FRAS1: variants seen among roughly 807,000 people sequenced by gnomAD.
FRAS1 encodes extracellular matrix organizing protein FRAS1.
FRAS1 carries 290 observed loss-of-function variants against 435.2 expected under a neutral mutation model. The ratio of observed to expected loss-of-function variants is 0.67; its 90% CI spans 0.61 to 0.73. The LOEUF is 0.73. FRAS1 is among the 30% of genes least tolerant of loss of function. The pLI is 0.00. For missense variants in FRAS1, 4,860 were observed against 5,001.5 expected (o/e 0.97, Z 0.85); for synonymous variants, 1,800 against 1,851.0 (o/e 0.97, Z 0.71).
intron 14 of FRAS1, among the ~76,000 whole-genome samples, chr4:78,302,175 G>A (rs1283403211): frequency 7.0e-6 from 1 of 143,516 alleles, no homozygotes; most frequent in African/African-American, 3.0e-5. Flanking sequence ...CCCTACAAAG[G>A]ACATGAACTC....
chr4:78,541,640 T>TC lies in FRAS1; in HGVS notation c.*516_*517insC, dbSNP rs1282993008. 2 of 114,126 alleles carry TC rather than the reference T, an allele frequency of 1.8e-5. No individual in the cohort carries two copies. The highest frequency in any genetic ancestry group is 9.8e-5 in the African/African-American group (2 of 20,464). 7.1% of individuals were successfully genotyped at this position (114,126 alleles called of 1,614,324 possible). The stretch of plus-strand genomic sequence containing the variant: ...ACACAACACATATATTTGCTCATGA[T>TC]TTCACTTGACAGCGTATGCTCCTTG... On this transcript the variant is annotated 3_prime_UTR_variant, in exon 74 of 74. Transcript: ENST00000512123.
intron 2 of FRAS1, among the ~76,000 whole-genome samples, chr4:78,115,522 A>G (rs1743095399): frequency 6.6e-6 from 1 of 152,198 alleles, no homozygotes; most frequent in South Asian, 2.1e-4. Flanking sequence ...TTATTGATCT[A>G]TTCAGAGATT....
intron 2 of FRAS1, among the ~76,000 whole-genome samples, chr4:78,088,041 A>G (rs72607861): frequency 0.67 from 101,887 of 151,974 alleles, 35,505 homozygotes; most frequent in East Asian, 0.88. Context: ...CAAGGCTGGT[A>G]CTGGTACGAA....
intron 26 of FRAS1, among the ~76,000 whole-genome samples, chr4:78,376,499 A>C (rs1051592167): frequency 2.0e-5 from 3 of 152,232 alleles, no homozygotes; most frequent in Admixed American, 6.5e-5. Context: ...GTTATATAGC[A>C]CATGACTGTA....
chr4:78,446,329 T>C, intron 42 of FRAS1: 2 of 1,027,140 alleles, frequency 1.9e-6, no homozygotes, highest in Non-Finnish European at 2.3e-6. Flanking sequence ...CTTTCAAATA[T>C]AGTGTCCTTC....
intron 2 of FRAS1, among the ~76,000 whole-genome samples, chr4:78,226,309 CTG>C (rs1229697948): frequency 6.6e-6 from 1 of 152,094 alleles, no homozygotes; most frequent in Non-Finnish European, 1.5e-5. Flanking sequence ...TCCTACATTA[CTG>C]TGTTTCTATT....
Position 78,540,628 on chromosome 4 carries a change from TC to T in FRAS1, c.11544del (p.Arg3849AspfsTer8), listed in dbSNP as rs776789412. On this transcript the variant is annotated frameshift_variant, in exon 74 of 74. Coordinates refer to ENST00000512123, the MANE Select transcript of FRAS1 (RefSeq NM_025074.7). LOFTEE classifies it high-confidence loss of function. Reference protein sequence around the residue: ...PRVQRSLTAPLRRNRRDLVEP... With the variant: ...PRVQRSLTAPXRRNRRDLVEP... ...GTCCAGCGCTCTCTCACAGCTCCAC[TC>T]AGACGCAACCGAAGGGACCTGGTAG... 1.9e-6 allele frequency: 3 copies of T among 1,590,614 alleles called. No homozygotes were observed. The highest frequency in any genetic ancestry group is 2.6e-6 in the Non-Finnish European group (3 of 1,167,864).
At chr4:78,073,124 T>A (rs1039585207) in intron 2 of FRAS1, among the ~76,000 whole-genome samples, 2 of 152,208 alleles carry the variant, frequency 1.3e-5, no homozygotes, top group South Asian at 2.1e-4. Flanking sequence ...AGAATTGGGC[T>A]CTAGCTGTCT....
intron 2 of FRAS1, among the ~76,000 whole-genome samples, chr4:78,135,971 C>T (rs150841443): frequency 1.3e-5 from 2 of 152,280 alleles, no homozygotes; most frequent in African/African-American, 2.4e-5. Flanking sequence ...ATCAGCTGAT[C>T]GATACCTAAC....
At chr4:78,267,623 G>C (rs1276546484) in intron 9 of FRAS1, among the ~76,000 whole-genome samples, 191 bp downstream of exon 9, 1 of 152,230 alleles carries the variant, frequency 6.6e-6, no homozygotes, top group Admixed American at 6.5e-5. Flanking sequence ...GACTAGCTCA[G>C]AACAGCCCCC....
At chr4:78,498,466 A>T (rs891294509) in intron 60 of FRAS1, among the ~76,000 whole-genome samples, 2 of 150,964 alleles carry the variant, frequency 1.3e-5, no homozygotes, top group Non-Finnish European at 2.9e-5. Context: ...AGATCGTGCC[A>T]TTGCACTCTA....
At chr4:78,248,657 C>T (rs1725372502) in intron 4 of FRAS1, among the ~76,000 whole-genome samples, 1 of 152,134 alleles carries the variant, frequency 6.6e-6, no homozygotes, top group South Asian at 2.1e-4. Flanking sequence ...ATGCACTGAA[C>T]ATTCCCAGAT....
chr4:78,379,005 A>G (rs527711464), intron 26 of FRAS1, among the ~76,000 whole-genome samples: 1 of 152,274 alleles, frequency 6.6e-6, no homozygotes, highest in Admixed American at 6.5e-5. Flanking sequence ...TAACGATTAC[A>G]TTGAAGTCCT....
At chr4:78,099,852 A>G (rs1314675383) in intron 2 of FRAS1, among the ~76,000 whole-genome samples, 1 of 152,180 alleles carries the variant, frequency 6.6e-6, no homozygotes, top group Non-Finnish European at 1.5e-5. Flanking sequence ...TATTACAGTC[A>G]TCGTTCCTTG....
At chr4:78,126,121 G>C (rs1158773975) in intron 2 of FRAS1, among the ~76,000 whole-genome samples, 2 of 152,162 alleles carry the variant, frequency 1.3e-5, no homozygotes, top group Non-Finnish European at 2.9e-5. Flanking sequence ...ATGCCCCTCT[G>C]CCTGCCAAGC....
chr4:78,138,965 G>A (rs1322061010), intron 2 of FRAS1, among the ~76,000 whole-genome samples: 1 of 152,192 alleles, frequency 6.6e-6, no homozygotes, highest in African/African-American at 2.4e-5. Flanking sequence ...TCTTGCGTGT[G>A]TGTACATGTG....
At chr4:78,226,186 T>C (rs1341405825) in intron 2 of FRAS1, among the ~76,000 whole-genome samples, 1 of 152,204 alleles carries the variant, frequency 6.6e-6, no homozygotes, top group Non-Finnish European at 1.5e-5. Context: ...TTGCATGTTT[T>C]TGTGCATTTT....
At chr4:78,380,418 A>G (rs1450037129) in intron 27 of FRAS1, among the ~76,000 whole-genome samples, 1 of 152,146 alleles carries the variant, frequency 6.6e-6, no homozygotes, top group African/African-American at 2.4e-5. Context: ...AGTTGAAAGG[A>G]AACTTAGAAT....
At chr4:78,154,056 G>T (rs1425718256) in intron 2 of FRAS1, among the ~76,000 whole-genome samples, 1 of 151,644 alleles carries the variant, frequency 6.6e-6, no homozygotes, top group Non-Finnish European at 1.5e-5. Flanking sequence ...TTGGATTGCA[G>T]ATTATTCGGT....
Sources: allele counts gnomAD v4.1 joint callset (sites outside exome capture counted in the v4.1 genomes callset), GRCh38; gene constraint gnomAD v4.1.1; transcripts MANE v1.5; gene names NCBI Gene and HGNC (gene_info 2026-07-23, HGNC 2026-07-21).